Variants in SLC38A12 observed in about 807,000 individuals in gnomAD.
SLC38A12 encodes the protein putative sodium-coupled neutral amino acid transporter 12.
At chr17:74,814,425 G>A in the SLC38A12 span, among the ~76,000 whole-genome samples, 9 of 152,270 alleles carry the variant, frequency 5.9e-5, no homozygotes, top group Middle Eastern at 3.4e-3. Flanking sequence ...GGCTCTTCCC[G>A]GGTGCACTCT....
At chr17:74,817,969 T>C in the SLC38A12 span, among the ~76,000 whole-genome samples, 10 of 152,174 alleles carry the variant, frequency 6.6e-5, no homozygotes, top group Admixed American at 3.3e-4. Context: ...CCACAGTTAC[T>C]TGGAAACATT....
the SLC38A12 span, among the ~76,000 whole-genome samples, chr17:74,800,931 A>G: frequency 6.6e-6 from 1 of 152,246 alleles, no homozygotes; most frequent in Admixed American, 6.5e-5. Context: ...CCCTCAGCCC[A>G]GAAAGCAGAC....
chr17:74,829,407 C>T, the SLC38A12 span, among the ~76,000 whole-genome samples: 1 of 152,186 alleles, frequency 6.6e-6, no homozygotes, highest in African/African-American at 2.4e-5. The surrounding 1 kb of genome is among the most constrained non-coding windows in gnomAD (Gnocchi z 4.1). Context: ...TCTTTGAAAT[C>T]CAGTGTGTTT....
the SLC38A12 span, among the ~76,000 whole-genome samples, chr17:74,804,668 C>T: frequency 1.3e-5 from 2 of 152,232 alleles, no homozygotes; most frequent in African/African-American, 4.8e-5. Flanking sequence ...TCTTGAGCCA[C>T]CGCAGGGCAT....
the SLC38A12 span, among the ~76,000 whole-genome samples, chr17:74,778,870 G>A: frequency 6.6e-6 from 1 of 152,026 alleles, no homozygotes; most frequent in Non-Finnish European, 1.5e-5. Flanking sequence ...GTTTCACCAT[G>A]TTGGTCATGC....
At chr17:74,820,470 T>A in the SLC38A12 span, among the ~76,000 whole-genome samples, 1 of 152,204 alleles carries the variant, frequency 6.6e-6, no homozygotes, top group Non-Finnish European at 1.5e-5. Flanking sequence ...GCTGGTCTAC[T>A]TCCGCCACAC....
At chr17:74,822,477 G>A in the SLC38A12 span, among the ~76,000 whole-genome samples, 1 of 152,242 alleles carries the variant, frequency 6.6e-6, no homozygotes, top group African/African-American at 2.4e-5. Context: ...AGCTCGGGAA[G>A]GTCGACAGCA....
At chr17:74,836,067 C>T in the SLC38A12 span, 1 of 1,613,664 alleles carries the variant, frequency 6.2e-7, no homozygotes, top group East Asian at 2.2e-5. This position sits in a 1 kb window ranked among gnomAD's most constrained non-coding sequence, Gnocchi z 4.2. Context: ...GCACTCTCTG[C>T]CATCCCTCAT....
the SLC38A12 span, chr17:74,839,430 A>G: frequency 3.3e-6 from 1 of 302,946 alleles, no homozygotes; most frequent in South Asian, 5.1e-5. Flanking sequence ...CTGGGGGCAG[A>G]TTCCCAAGCA....
the SLC38A12 span, among the ~76,000 whole-genome samples, chr17:74,807,112 C>A: frequency 6.6e-4 from 99 of 150,634 alleles, no homozygotes; most frequent in African/African-American, 2.4e-3. Flanking sequence ...GACACCCCCC[C>A]ACCCCACCCC....
the SLC38A12 span, among the ~76,000 whole-genome samples, chr17:74,799,542 A>T: frequency 6.6e-6 from 1 of 152,112 alleles, no homozygotes; most frequent in Non-Finnish European, 1.5e-5. Flanking sequence ...TGACAGAGAG[A>T]GTCTTCCCAA....
the SLC38A12 span, among the ~76,000 whole-genome samples, chr17:74,814,085 T>G: frequency 1.3e-5 from 2 of 152,316 alleles, no homozygotes; most frequent in Non-Finnish European, 1.5e-5. Flanking sequence ...GATCACTCCT[T>G]TCAAGACCTT....
chr17:74,797,755 G>A, the SLC38A12 span, among the ~76,000 whole-genome samples: 1 of 152,198 alleles, frequency 6.6e-6, no homozygotes, highest in Non-Finnish European at 1.5e-5. Context: ...AGTGACTGGA[G>A]GAAGGGGGGT....
chr17:74,777,586 C>CA, the SLC38A12 span: 1 of 1,512,762 alleles, frequency 6.6e-7, no homozygotes, highest in Non-Finnish European at 8.8e-7. Context: ...AGGTGTTTGT[C>CA]AGAGTGGTCA....
the SLC38A12 span, among the ~76,000 whole-genome samples, chr17:74,783,752 A>G: frequency 9.3e-6 from 1 of 107,868 alleles, no homozygotes; most frequent in South Asian, 2.9e-4. Context: ...TTTTTTTGAG[A>G]CGGAGTCTCG....
chr17:74,805,647 C>A, the SLC38A12 span, among the ~76,000 whole-genome samples: 1,072 of 152,316 alleles, frequency 7.0e-3, 15 homozygotes, highest in African/African-American at 0.024. The surrounding 1 kb of genome is among the most constrained non-coding windows in gnomAD (Gnocchi z 5.0). Context: ...CGGTCTATTT[C>A]AAGGCCAGAC....
At chr17:74,814,662 T>C in the SLC38A12 span, among the ~76,000 whole-genome samples, 1 of 152,138 alleles carries the variant, frequency 6.6e-6, no homozygotes, top group Admixed American at 6.5e-5. Context: ...GCAGGAGGCA[T>C]GGAAAACGTG....
At chr17:74,781,949 T>C in the SLC38A12 span, among the ~76,000 whole-genome samples, 1 of 152,182 alleles carries the variant, frequency 6.6e-6, no homozygotes, top group Admixed American at 6.5e-5. Flanking sequence ...GGCCGGGAAG[T>C]CTCTCCCTCG....
chr17:74,828,361 T>A, the SLC38A12 span, among the ~76,000 whole-genome samples: 13 of 152,292 alleles, frequency 8.5e-5, no homozygotes, highest in African/African-American at 2.9e-4. Flanking sequence ...CCTTCACCCT[T>A]GGCCCTCAGG....
Sources: allele counts gnomAD v4.1 joint callset (sites outside exome capture counted in the v4.1 genomes callset), GRCh38; gene constraint gnomAD v4.1.1; non-coding constraint Gnocchi (gnomAD v3.1); transcripts MANE v1.5; gene names NCBI Gene and HGNC (gene_info 2026-07-23, HGNC 2026-07-21).